SBF2: variants seen among roughly 807,000 people sequenced by gnomAD.
SBF2 encodes the protein SET binding factor 2.
In SBF2, 112 loss-of-function variants were observed where a neutral mutation model predicts 225.2. The ratio of observed to expected loss-of-function variants is 0.50; its 90% CI spans 0.43 to 0.58. SBF2 has a LOEUF of 0.58. SBF2 is among the 20% of genes least tolerant of loss of function. The pLI is 0.00. For synonymous variants in SBF2, 763 were observed against 773.3 expected (o/e 0.99, Z 0.22); for missense variants, 1,996 against 2,206.2 (o/e 0.90, Z 1.91).
At chr11:10,147,043 T>A (rs1370309535) in intron 2 of SBF2, among the ~76,000 whole-genome samples, 1 of 147,146 alleles carries the variant, frequency 6.8e-6, no homozygotes, top group Non-Finnish European at 1.5e-5. Context: ...ATGGCTATTA[T>A]TAAAAAGTAA....
chr11:9,951,488 G>A (rs1261434269), intron 16 of SBF2, among the ~76,000 whole-genome samples: 1 of 152,176 alleles, frequency 6.6e-6, no homozygotes, highest in Non-Finnish European at 1.5e-5. Flanking sequence ...TGGTAATGCA[G>A]ATGAGTAAGA....
chr11:10,047,696 A>G, intron 2 of SBF2, among the ~76,000 whole-genome samples: 1 of 152,184 alleles, frequency 6.6e-6, no homozygotes, highest in East Asian at 1.9e-4. Flanking sequence ...GATATCAGAA[A>G]AGTAAGATCG....
chr11:9,962,019 G>A lies in SBF2; in HGVS notation c.1798C>T (p.Arg600Trp), dbSNP rs767784920. 1.4e-5 allele frequency: 22 copies of A among 1,613,916 alleles called. No homozygotes were observed. The South Asian group carries it at 1.4e-4, about 10-fold the overall frequency. The change falls in exon 16 of 40, where the codon CGG (arginine) becomes TGG (tryptophan). Residue 600 changes from arginine to tryptophan, a missense_variant. Coordinates refer to ENST00000256190, the MANE Select transcript of SBF2 (RefSeq NM_030962.4). ...DELGLHVQQN[R>W]AILDHQQFDY... The stretch of plus-strand genomic sequence containing the variant: ...AACTGTTGATGGTCTAATATTGCCC[G>A]GTTTTGCTGGACATGCAAACCCAAT...
chr11:10,045,044 C>T (rs1240532291), intron 2 of SBF2, among the ~76,000 whole-genome samples: 1 of 152,162 alleles, frequency 6.6e-6, no homozygotes, highest in African/African-American at 2.4e-5. Flanking sequence ...AGCTTCAGCA[C>T]AGTGTGGGAC....
intron 1 of SBF2, among the ~76,000 whole-genome samples, chr11:10,234,567 C>G (rs1958985499): frequency 6.6e-6 from 1 of 152,026 alleles, no homozygotes; most frequent in Non-Finnish European, 1.5e-5. Context: ...TAAATTTTGT[C>G]AAGATGATAG....
intron 2 of SBF2, among the ~76,000 whole-genome samples, chr11:10,117,944 A>G (rs1953236990): frequency 6.6e-6 from 1 of 152,162 alleles, no homozygotes; most frequent in Non-Finnish European, 1.5e-5. Context: ...ATAAATGAAA[A>G]GAATCTTGGC....
At chr11:9,851,160 A>G (rs970995214) in intron 21 of SBF2, among the ~76,000 whole-genome samples, 1 of 151,540 alleles carries the variant, frequency 6.6e-6, no homozygotes, top group Non-Finnish European at 1.5e-5. Context: ...CAACAACAAA[A>G]AAAAACCCAG....
At chr11:9,974,717 C>T (rs1420593310) in intron 13 of SBF2, among the ~76,000 whole-genome samples, 1 of 150,378 alleles carries the variant, frequency 6.6e-6, no homozygotes, top group Admixed American at 6.6e-5. Context: ...GCCTATAATC[C>T]CAGCACTTTG....
At chr11:10,302,221 G>A (rs1964605243) in intron 1 of SBF2, among the ~76,000 whole-genome samples, 1 of 152,144 alleles carries the variant, frequency 6.6e-6, no homozygotes, top group Non-Finnish European at 1.5e-5. Context: ...CGTTAACGAT[G>A]ATTAATTAAA....
At position 9,842,674 on chromosome 11, in the gene SBF2, C is replaced by G. The variant is rs1856246781; in HGVS notation, c.3207G>C (p.Val1069=). 1.2e-6 allele frequency: 2 copies of G among 1,614,038 alleles called. No individual in the cohort carries two copies. Among genetic ancestry groups the G allele is most frequent in the East Asian group, 4.5e-5 (2 of 44,872 alleles). ...ATCCAGGACGATTTACTCTTTCTTC[C>G]ACAATTGTCCCTGTCTTCTTCTTCA... ...YLLKKKTGTI[V]EERVNRPGWN... is the part of the protein sequence containing the mutation. The change falls in exon 25 of 40, where the codon GTG becomes GTC. Residue 1069 remains valine (V), a synonymous_variant. Coordinates refer to ENST00000256190, the MANE Select transcript of SBF2 (RefSeq NM_030962.4).
At chr11:10,244,052 A>T (rs1013017305) in intron 1 of SBF2, among the ~76,000 whole-genome samples, 2 of 152,222 alleles carry the variant, frequency 1.3e-5, no homozygotes, top group African/African-American at 2.4e-5. Flanking sequence ...TTAGCAAACC[A>T]AATTCAACAG....
At chr11:9,786,003 A>G (rs376236736) in intron 36 of SBF2, among the ~76,000 whole-genome samples, 34 of 152,166 alleles carry the variant, frequency 2.2e-4, no homozygotes, top group African/African-American at 7.7e-4. Flanking sequence ...AGTAGCTGGG[A>G]TTACAGGCAC....
At chr11:9,794,676 C>CAAA (rs575749593) in intron 33 of SBF2, among the ~76,000 whole-genome samples, 530 of 35,334 alleles carry the variant, frequency 0.015, 143 homozygotes, top group African/African-American at 0.026. Flanking sequence ...GACTCCGTCT[C>CAAA]AAAAAAAAAA....
rs905512608 is a variant in SBF2, at chr11:10,108,625, T to C, written c.142-65644A>G. Among the ~76,000 whole-genome samples the C allele has an allele frequency of 2.5e-4, 36 of 142,470 alleles. No homozygotes were observed. In the East Asian group the frequency reaches 5.1e-3, roughly 20 times the overall value. 93.5% of individuals were successfully genotyped at this position (142,470 alleles called of 152,430 possible). A position where few individuals can be genotyped will look rare whatever the true frequency, so the allele number is the denominator to read the frequency against. On this transcript the variant is annotated intron_variant, in intron 2 of 39. Transcript: ENST00000256190. ...CTGCAAGCTCCGCCTCCCGGGTTCA[T>C]GCCATTCTCCTGCCTCAGCCTCCCG...
chr11:10,046,377 T>C (rs1394610905), intron 2 of SBF2, among the ~76,000 whole-genome samples: 1 of 152,132 alleles, frequency 6.6e-6, no homozygotes, highest in African/African-American at 2.4e-5. Context: ...AGCAAAAATA[T>C]TAGCAAGTTG....
At chr11:9,904,624 C>A (rs1861981968) in intron 16 of SBF2, among the ~76,000 whole-genome samples, 1 of 152,220 alleles carries the variant, frequency 6.6e-6, no homozygotes, top group East Asian at 1.9e-4. Flanking sequence ...ATGTATAGAA[C>A]ACTGTATACA....
rs545396209 is a variant in SBF2, at chr11:9,835,381, G to A, written c.3456-2961C>T. 7.2e-5 allele frequency among the ~76,000 whole-genome samples: 11 copies of A among 152,144 alleles called. No homozygotes were observed. The South Asian group carries it at 1.2e-3, about 17-fold the overall frequency. ...CACCTGTAATCCCAGCACTTTGGGA[G>A]GCCCAGCTGGGAGGATGGCTTGAGC... On this transcript the variant is annotated intron_variant, in intron 26 of 39. Transcript: ENST00000256190.
At chr11:9,890,794 A>T (rs965021161) in intron 17 of SBF2, among the ~76,000 whole-genome samples, 1 of 152,172 alleles carries the variant, frequency 6.6e-6, no homozygotes, top group Non-Finnish European at 1.5e-5. Flanking sequence ...AAGAACCACA[A>T]CAGGGTGACC....
At chr11:9,930,244 T>G (rs955741862) in intron 16 of SBF2, among the ~76,000 whole-genome samples, 2 of 152,208 alleles carry the variant, frequency 1.3e-5, no homozygotes, top group African/African-American at 4.8e-5. Context: ...GCATTTACTT[T>G]TTTACCAACC....
Sources: gnomAD v4.1 joint callset for allele counts (sites outside exome capture counted in the v4.1 genomes callset) on GRCh38, gnomAD v4.1.1 for gene constraint, MANE v1.5 for transcripts, NCBI Gene and HGNC (gene_info 2026-07-23, HGNC 2026-07-21) for gene names.